Variants in ZPBP observed in about 807,000 individuals in gnomAD.
ZPBP encodes the protein zona pellucida binding protein.
A neutral mutation model predicts 44.8 loss-of-function variants in ZPBP; 26 were observed. The ratio of observed to expected loss-of-function variants is 0.58; its 90% CI spans 0.43 to 0.81. ZPBP has a LOEUF of 0.81. Among genes scored for constraint, ZPBP ranks in the 30% least tolerant of loss-of-function variants. ZPBP has a pLI of 0.00. For missense variants in ZPBP, 409 were observed against 434.0 expected (o/e 0.94, Z 0.51); for synonymous variants, 174 against 153.2 (o/e 1.14, Z -1.00).
intron 1 of ZPBP, among the ~76,000 whole-genome samples, chr7:49,928,740 G>A (rs1794342050): frequency 6.6e-6 from 1 of 152,130 alleles, no homozygotes; most frequent in Non-Finnish European, 1.5e-5. Context: ...ATTCCCAGTG[G>A]ATGGAAGAGT....
intron 1 of ZPBP, among the ~76,000 whole-genome samples, chr7:49,911,303 GA>G (rs1388459846): frequency 2.0e-5 from 3 of 151,868 alleles, no homozygotes; most frequent in African/African-American, 7.2e-5. Flanking sequence ...CCAACATGGT[GA>G]AACCCAATCT....
intron 1 of ZPBP, chr7:49,911,918 T>TACGCACAC: frequency 4.5e-6 from 1 of 222,948 alleles, no homozygotes. Flanking sequence ...AACAAACAAA[T>TACGCACAC]ACACGCACAC....
At chr7:49,881,879 A>G (rs188965412) in intron 2 of ZPBP, among the ~76,000 whole-genome samples, 3 of 152,068 alleles carry the variant, frequency 2.0e-5, no homozygotes, top group African/African-American at 7.2e-5. Flanking sequence ...AGATTTTTTA[A>G]TAAAAGAGAC....
At chr7:49,922,362 T>C (rs1240533560) in intron 1 of ZPBP, among the ~76,000 whole-genome samples, 1 of 152,198 alleles carries the variant, frequency 6.6e-6, no homozygotes, top group Non-Finnish European at 1.5e-5. Context: ...TGCGCTGGCT[T>C]GGAGAAAGGC....
intron 1 of ZPBP, among the ~76,000 whole-genome samples, chr7:49,932,358 G>C (rs894269280): frequency 6.6e-6 from 1 of 152,248 alleles, no homozygotes; most frequent in Non-Finnish European, 1.5e-5. Context: ...GCTTCCCAAG[G>C]CTGTGGGAAC....
intron 6 of ZPBP, among the ~76,000 whole-genome samples, chr7:50,009,583 T>C (rs191773576): frequency 1.5e-3 from 233 of 152,112 alleles, no homozygotes; most frequent in Non-Finnish European, 2.9e-3. Flanking sequence ...TTTAATTTCG[T>C]ATATCTCTCT....
chr7:49,913,826 CATCT>C (rs771256791), intron 1 of ZPBP: 11 of 152,174 alleles, frequency 7.2e-5, no homozygotes, highest in African/African-American at 1.9e-4. Context: ...AAAATGGATA[CATCT>C]ATCATAATTG....
At chr7:49,887,396 C>T (rs538883732) in intron 2 of ZPBP, among the ~76,000 whole-genome samples, 11 of 152,298 alleles carry the variant, frequency 7.2e-5, no homozygotes, top group Admixed American at 7.2e-4. Context: ...GAATGACAGA[C>T]AAAGATATTG....
chr7:49,926,861 T>C (rs780627270), intron 1 of ZPBP, among the ~76,000 whole-genome samples: 5 of 152,218 alleles, frequency 3.3e-5, no homozygotes, highest in Non-Finnish European at 7.3e-5. Flanking sequence ...GAGAAGCAAC[T>C]GGCTGCAGAG....
intron 1 of ZPBP, among the ~76,000 whole-genome samples, chr7:50,090,963 C>T (rs910380023): frequency 2.0e-5 from 3 of 152,098 alleles, no homozygotes; most frequent in Admixed American, 6.5e-5. Context: ...ACTGCATCCA[C>T]ACCAACATCT....
intron 2 of ZPBP, among the ~76,000 whole-genome samples, chr7:49,854,002 A>T (rs1790310723): frequency 6.6e-6 from 1 of 151,844 alleles, no homozygotes; most frequent in Admixed American, 6.6e-5. Context: ...GCTGAGAATG[A>T]TGGTTTCCAG....
chr7:49,886,190 A>T (rs1367452599), intron 2 of ZPBP, among the ~76,000 whole-genome samples: 1 of 152,168 alleles, frequency 6.6e-6, no homozygotes, highest in Non-Finnish European at 1.5e-5. Context: ...GTGTGGGGTG[A>T]GGGAAGTGAG....
intron 6 of ZPBP, among the ~76,000 whole-genome samples, chr7:49,993,749 T>C (rs1381194689): frequency 6.6e-6 from 1 of 152,156 alleles, no homozygotes; most frequent in Non-Finnish European, 1.5e-5. Context: ...GGGCACTTAA[T>C]GGTGGCCACA....
chr7:49,844,100 C>A, the ZPBP span, among the ~76,000 whole-genome samples: 9 of 152,122 alleles, frequency 5.9e-5, no homozygotes, highest in African/African-American at 2.2e-4. Flanking sequence ...GAGAGGATGG[C>A]AACAGGTGGA....
In ZPBP at chr7:50,081,814, T is replaced by C. The variant is rs750117472; in HGVS notation, c.294A>G (p.Pro98=). The C allele has an allele frequency of 6.2e-6, 10 of 1,611,614 alleles. No individual in the cohort carries two copies. Among genetic ancestry groups the C allele is most frequent in the Non-Finnish European group, 7.6e-6 (9 of 1,178,328 alleles). The part of the protein sequence containing the change: ...QQLRNAELID[P]SFQWYGPKGK... ...CTTTAGGCCCATACCATTGGAATGA[T>C]GGGTCTATCAGTTCAGCATTTCGCA... Residue 98 remains proline (P), a synonymous_variant, in exon 3 of 8, where the codon CCA becomes CCG. Transcript: ENST00000046087.
chr7:49,981,466 T>A (rs1400994652), intron 7 of ZPBP, among the ~76,000 whole-genome samples: 2 of 80,310 alleles, frequency 2.5e-5, no homozygotes, highest in Non-Finnish European at 4.3e-5. Context: ...TAATAATATA[T>A]ATAATTATAT....
intron 6 of ZPBP, among the ~76,000 whole-genome samples, chr7:49,995,873 G>T (rs1797809092): frequency 6.6e-6 from 1 of 152,164 alleles, no homozygotes; most frequent in African/African-American, 2.4e-5. Flanking sequence ...TGGGAAGAGG[G>T]TTTGGGGGCG....
intron 1 of ZPBP, among the ~76,000 whole-genome samples, chr7:49,910,404 A>G (rs1246082334): frequency 6.6e-6 from 1 of 152,232 alleles, no homozygotes; most frequent in Non-Finnish European, 1.5e-5. Context: ...GGTTGTGAGC[A>G]CATTATCAAA....
intron 6 of ZPBP, among the ~76,000 whole-genome samples, chr7:50,016,396 C>G (rs535268417): frequency 1.3e-5 from 2 of 151,996 alleles, no homozygotes; most frequent in East Asian, 3.9e-4. Flanking sequence ...CAACAGACAC[C>G]AGAGCTTACT....
Sources: allele counts gnomAD v4.1 joint callset (sites outside exome capture counted in the v4.1 genomes callset), GRCh38; gene constraint gnomAD v4.1.1; transcripts MANE v1.5; gene names NCBI Gene and HGNC (gene_info 2026-07-23, HGNC 2026-07-21).